Variants in NPC1 observed in about 807,000 individuals in gnomAD.
The protein encoded by NPC1 is Niemann-Pick C1 protein.
A neutral mutation model predicts 140.4 loss-of-function variants in NPC1; 85 were observed. That is an observed-to-expected ratio of 0.61 (90% CI 0.51 to 0.72). The LOEUF (loss-of-function observed/expected upper bound fraction) is 0.72, where lower values mean the gene tolerates loss of function less well. NPC1 is among the 30% of genes least tolerant of loss of function. NPC1 has a pLI of 0.00. For synonymous variants in NPC1, 656 were observed against 624.8 expected (o/e 1.05, Z -0.74); for missense variants, 1,504 against 1,623.8 (o/e 0.93, Z 1.27).
chr18:23,571,897 CATAA>C lies in NPC1; in HGVS notation c.287+173_287+176del, dbSNP rs779068681. ...ATTATACATACATGTATTTTTAATA[CATAA>C]ATATATATTCACCTACTTTACATGT... On this transcript the variant is annotated intron_variant, in intron 3 of 24. Coordinates refer to ENST00000269228, the MANE Select transcript of NPC1 (RefSeq NM_000271.5). 1.1e-3 allele frequency among the ~76,000 whole-genome samples: 172 copies of C among 151,116 alleles called. 2 individuals are homozygous for C. Among genetic ancestry groups the C allele is most frequent in the Admixed American group, 1.9e-3 (29 of 15,154 alleles).
chr18:23,543,572 TAAAAA>T lies in NPC1; in HGVS notation c.2131-8_2131-4del, dbSNP rs11299077. The T allele has an allele frequency of 4.4e-5, 53 of 1,205,326 alleles. No individual in the cohort carries two copies. Among genetic ancestry groups the T allele is most frequent in the South Asian group, 1.2e-4 (9 of 76,290 alleles). 74.7% of individuals were successfully genotyped at this position (1,205,326 alleles called of 1,614,324 possible). Reference sequence around the variant, plus strand: ...TCCCCTTGAAGACGTTCATCTCTCTTAAAAAAAAAAAAAAAAAATTATGCGACATT... The same window carrying T: ...TCCCCTTGAAGACGTTCATCTCTCTTAAAAAAAAAAAAATTATGCGACATT... On this transcript the variant is annotated splice_region_variant and splice_polypyrimidine_tract_variant and intron_variant, in intron 13 of 24. Coordinates refer to ENST00000269228, the MANE Select transcript of NPC1 (RefSeq NM_000271.5).
At chr18:23,562,476 A>G (rs1377682710) in intron 4 of NPC1, among the ~76,000 whole-genome samples, 1 of 151,858 alleles carries the variant, frequency 6.6e-6, no homozygotes, top group Non-Finnish European at 1.5e-5. Flanking sequence ...GAAACTTCCC[A>G]GGATCTTCTT....
intron 3 of NPC1, among the ~76,000 whole-genome samples, chr18:23,511,407 G>C (rs746166762): frequency 5.9e-5 from 9 of 152,146 alleles, no homozygotes; most frequent in Non-Finnish European, 1.3e-4. Context: ...GAAATAATCT[G>C]TACCACAAAC....
At chr18:23,574,946 A>G (rs963551906) in intron 1 of NPC1, among the ~76,000 whole-genome samples, 3 of 152,246 alleles carry the variant, frequency 2.0e-5, no homozygotes, top group African/African-American at 7.2e-5. Flanking sequence ...AAAAGTCCTA[A>G]TGAGTAAAAG....
At chr18:23,558,825 ACTCGT>A (rs2058993155) in intron 6 of NPC1, among the ~76,000 whole-genome samples, 1 of 151,974 alleles carries the variant, frequency 6.6e-6, no homozygotes, top group Non-Finnish European at 1.5e-5. Context: ...GTACCCATTA[ACTCGT>A]CATTTAGCAT....
At position 23,555,084 on chromosome 18, in the gene NPC1, TA is replaced by T. The variant is rs1488254024; in HGVS notation, c.1327-101del. The T allele has an allele frequency of 5.0e-6, 4 of 805,704 alleles. No homozygotes were observed. The East Asian group carries it at 1.1e-4, about 21-fold the overall frequency. 49.9% of individuals were successfully genotyped at this position (805,704 alleles called of 1,614,324 possible). A position where few individuals can be genotyped will look rare whatever the true frequency, so the allele number is the denominator to read the frequency against. On this transcript the variant is annotated intron_variant, in intron 8 of 24. Transcript: ENST00000269228. ...GCCCTGAGGGTCAGAAGACAAAGAG[TA>T]TTTGGGGAAAATACTTCCTAAGATG... is the stretch of plus-strand genomic sequence containing the variant.
At chr18:23,547,030 C>G (rs1159168737) in intron 11 of NPC1, among the ~76,000 whole-genome samples, 1 of 151,980 alleles carries the variant, frequency 6.6e-6, no homozygotes, top group East Asian at 1.9e-4. Context: ...ATTGCCTAGG[C>G]TGGTCTTGAA....
downstream of NPC1, chr18:23,524,367 G>A (rs374093556): frequency 1.8e-5 from 28 of 1,585,484 alleles, no homozygotes; most frequent in Middle Eastern, 1.7e-4. Context: ...GAGTGCTAGC[G>A]GAAACTGGGT....
chr18:23,568,909 G>C lies in NPC1; in HGVS notation c.377C>G (p.Thr126Ser), dbSNP rs1269273156. The C allele has an allele frequency of 1.2e-6, 2 of 1,613,672 alleles. No homozygotes were observed. The highest frequency in any genetic ancestry group is 2.7e-5 in the African/African-American group (2 of 74,914). The part of the protein sequence containing the change: ...RQSQFLNVTA[T>S]EDYVDPVTNQ... ...TGTAACAGGATCAACATAATCTTCAGTAGCTGTAACATTCAAAAACTGACT... is the reference window on the plus strand; with the variant it reads ...TGTAACAGGATCAACATAATCTTCACTAGCTGTAACATTCAAAAACTGACT... Residue 126 changes from threonine to serine, a missense_variant, in exon 4 of 25, where the codon ACT becomes AGT. Physicochemically the swap from Thr to Ser is moderately conservative, Grantham distance 58. Transcript: ENST00000269228.
chr18:23,536,843 G>A lies in NPC1; in HGVS notation c.3075C>T (p.Ile1025=). The change falls in exon 21 of 25, where the codon ATC becomes ATT. Residue 1025 remains isoleucine, a synonymous_variant. Transcript: ENST00000269228. Reference sequence around the variant, plus strand: ...CGACCCTGGTGCCATGGCCAAGGAGGATGTTAACTGCAGAACTATAGGCAG... The same window carrying A: ...CGACCCTGGTGCCATGGCCAAGGAGAATGTTAACTGCAGAACTATAGGCAG... ...GHAAYSSAVN[I]LLGHGTRVGA... is the part of the protein sequence containing the mutation. The A allele has an allele frequency of 1.2e-6, 2 of 1,614,130 alleles. No homozygotes were observed. The highest frequency in any genetic ancestry group is 1.7e-6 in the Non-Finnish European group (2 of 1,180,014).
intron 3 of NPC1, among the ~76,000 whole-genome samples, chr18:23,510,734 T>A (rs2057832670): frequency 6.6e-6 from 1 of 151,824 alleles, no homozygotes; most frequent in Admixed American, 6.6e-5. Flanking sequence ...GAGCTCAACA[T>A]CACTGATCAT....
rs142119577 is a variant in NPC1 at position 23,556,531 on chromosome 18, G to A, written c.1038C>T (p.Cys346=). 7 of 1,614,002 alleles carry A rather than the reference G, an allele frequency of 4.3e-6. No individual in the cohort carries two copies. Among genetic ancestry groups the A allele is most frequent in the Non-Finnish European group, 5.9e-6 (7 of 1,180,026 alleles). The part of the protein sequence containing the change: ...RRLFTRWGSF[C]VRNPGCVIFF... ...AAATGACACAGCCAGGGTTTCGGAC[G>A]CAGAAAGACCCCCAGCGTGTGAACA... The change falls in exon 8 of 25, where the codon TGC becomes TGT. Residue 346 remains cysteine (C), a synonymous_variant. Coordinates refer to ENST00000269228, the MANE Select transcript of NPC1 (RefSeq NM_000271.5).
intron 12 of NPC1, 108 bp downstream of exon 12, chr18:23,544,852 T>C: frequency 2.4e-6 from 2 of 824,430 alleles, no homozygotes; most frequent in South Asian, 3.0e-5. Context: ...TGGGGGAATT[T>C]ATGGCAGTTT....
intron 4 of NPC1, among the ~76,000 whole-genome samples, chr18:23,564,505 T>C (rs1420595738): frequency 1.3e-5 from 2 of 152,136 alleles, no homozygotes; most frequent in South Asian, 4.2e-4. Context: ...TTATTTTTTG[T>C]AGACACAGGG....
chr18:23,521,855 C>T (rs1324011362), downstream of NPC1, among the ~76,000 whole-genome samples: 1 of 152,188 alleles, frequency 6.6e-6, no homozygotes, highest in African/African-American at 2.4e-5. Flanking sequence ...CAGGGTCTTT[C>T]TTCTGTGCCT....
rs897651578 is a variant in NPC1 at position 23,532,343 on chromosome 18, G to A, written c.3755-59C>T. The A allele has an allele frequency of 1.9e-5, 31 of 1,594,018 alleles. No homozygotes were observed. In the Admixed American group the frequency reaches 2.3e-4, roughly 12 times the overall value. On this transcript the variant is annotated intron_variant, in intron 24 of 24. Transcript: ENST00000269228. ...AGGAGAAAGGGAGCTAGTTGGCTGGGCATAGTGGCTCACGCCTGTAATCCC... is the reference window on the plus strand; with the variant it reads ...AGGAGAAAGGGAGCTAGTTGGCTGGACATAGTGGCTCACGCCTGTAATCCC...
downstream of NPC1, chr18:23,526,907 C>A: frequency 8.8e-7 from 1 of 1,139,350 alleles, no homozygotes; most frequent in South Asian, 1.6e-5. Flanking sequence ...GGCTATGTGA[C>A]CCCCTAGGAA....
At chr18:23,543,617 A>G in intron 13 of NPC1, 48 bp from the exon 14 acceptor site, 3 of 1,114,332 alleles carry the variant, frequency 2.7e-6, no homozygotes, top group Non-Finnish European at 4.0e-6. Flanking sequence ...TTTCTCAATA[A>G]CAACGCCATT....
At chr18:23,540,875 T>C (rs2058703647) in intron 16 of NPC1, among the ~76,000 whole-genome samples, 193 bp downstream of exon 16, 1 of 152,196 alleles carries the variant, frequency 6.6e-6, no homozygotes, top group Admixed American at 6.5e-5. Flanking sequence ...AACTTAAAAC[T>C]CTTGTTTATA....
Sources: allele counts gnomAD v4.1 joint callset (sites outside exome capture counted in the v4.1 genomes callset), GRCh38; gene constraint gnomAD v4.1.1; transcripts MANE v1.5; gene names NCBI Gene and HGNC (gene_info 2026-07-23, HGNC 2026-07-21).